Variants in EYA2 observed in about 807,000 individuals in gnomAD.
The protein encoded by EYA2 is EYA transcriptional coactivator and phosphatase 2, also known as protein phosphatase EYA2.
In EYA2, 31 loss-of-function variants were observed where a neutral mutation model predicts 69.2. The ratio of observed to expected loss-of-function variants is 0.45; its 90% confidence interval spans 0.34 to 0.60. The LOEUF is 0.60. Ranked by LOEUF, EYA2 falls within the 20% of genes least tolerant of loss-of-function variation. The pLI is 0.02. For missense variants in EYA2, 622 were observed against 701.2 expected (o/e 0.89, Z 1.28); for synonymous variants, 257 against 279.4 (o/e 0.92, Z 0.80).
intron 1 of EYA2, among the ~76,000 whole-genome samples, chr20:46,967,305 A>G (rs1383608219): frequency 1.3e-5 from 2 of 152,256 alleles, no homozygotes; most frequent in East Asian, 3.8e-4. Context: ...CCTGGCCCAC[A>G]TCTCAATTTA....
chr20:47,135,818 C>CGAAAAAAAAAAAAAAAAAAAAA, intron 9 of EYA2, among the ~76,000 whole-genome samples: 1 of 33,268 alleles, frequency 3.0e-5, no homozygotes, highest in Middle Eastern at 0.016. Context: ...CCTGTCTCTA[C>CGAAAAAAAAAAAAAAAAAAAAA]AAAAAAAAAA....
rs543384483 is a variant in EYA2 at position 47,041,848 on chromosome 20, T to A, written c.415+25551T>A. ...CTCCACTATTATTTGATTTTTTTTT[T>A]AATTTACAGACTTCTTTTGGTTCAA... On this transcript the variant is annotated intron_variant, in intron 5 of 15. Transcript: ENST00000327619. 2.6e-4 allele frequency among the ~76,000 whole-genome samples: 40 copies of A among 152,142 alleles called. 1 individual carries two copies. Among genetic ancestry groups the A allele is most frequent in the Middle Eastern group, 3.4e-3 (1 of 294 alleles).
intron 11 of EYA2, among the ~76,000 whole-genome samples, chr20:47,169,646 A>T (rs2034279412): frequency 6.6e-6 from 1 of 152,156 alleles, no homozygotes; most frequent in African/African-American, 2.4e-5. Flanking sequence ...AAATTCAAAC[A>T]CTTAACCTGA....
At chr20:46,955,058 G>A (rs748108832) in intron 1 of EYA2, among the ~76,000 whole-genome samples, 2 of 152,088 alleles carry the variant, frequency 1.3e-5, no homozygotes, top group South Asian at 2.1e-4. Context: ...GCAGAGGAAG[G>A]CAGGTTTTCA....
intron 5 of EYA2, among the ~76,000 whole-genome samples, chr20:47,047,037 C>T (rs1377987842): frequency 6.6e-6 from 1 of 152,168 alleles, no homozygotes. Flanking sequence ...GCAACTTGCT[C>T]ATTTTCTAAA....
intron 1 of EYA2, among the ~76,000 whole-genome samples, chr20:46,899,294 G>T (rs1600524853): frequency 6.6e-6 from 1 of 152,166 alleles, no homozygotes; most frequent in Non-Finnish European, 1.5e-5. Context: ...ACAGAACACA[G>T]TTATTTTCTG....
At chr20:46,921,465 A>G (rs1299227688) in intron 1 of EYA2, among the ~76,000 whole-genome samples, 2 of 151,878 alleles carry the variant, frequency 1.3e-5, no homozygotes, top group Non-Finnish European at 1.5e-5. Flanking sequence ...TCTCGTTTCT[A>G]CTGCACCTTC....
rs375114832 is a variant in EYA2, at chr20:47,136,389, C to T, written c.889-6670C>T. On this transcript the variant is annotated intron_variant, in intron 9 of 15. Transcript: ENST00000327619. ...TCTCCCTTTCATCCAAGAAATACAACCATACATCCCAAGATAGTGATCCAC... is the reference window on the plus strand; with the variant it reads ...TCTCCCTTTCATCCAAGAAATACAATCATACATCCCAAGATAGTGATCCAC... Among the ~76,000 whole-genome samples, 69 of 152,286 alleles carry T rather than the reference C, an allele frequency of 4.5e-4. 2 individuals are homozygous for T. The South Asian group carries it at 0.013, about 28-fold the overall frequency.
intron 1 of EYA2, among the ~76,000 whole-genome samples, chr20:46,984,579 C>T (rs577088432): frequency 2.2e-4 from 33 of 152,102 alleles, no homozygotes; most frequent in African/African-American, 7.7e-4. Flanking sequence ...AAAGTGGGGC[C>T]GTGCCAAGTG....
chr20:47,064,062 A>G (rs369536006), intron 5 of EYA2, among the ~76,000 whole-genome samples: 1 of 152,118 alleles, frequency 6.6e-6, no homozygotes, highest in Non-Finnish European at 1.5e-5. Context: ...CTCAGATGAT[A>G]TTCCTACCAC....
At chr20:47,127,401 C>G (rs903875826) in intron 9 of EYA2, among the ~76,000 whole-genome samples, 1 of 152,178 alleles carries the variant, frequency 6.6e-6, no homozygotes, top group East Asian at 1.9e-4. Context: ...GTCAGGAGTT[C>G]GAGACCAGCC....
At chr20:47,156,125 CACATATAT>C (rs1482297981) in intron 10 of EYA2, among the ~76,000 whole-genome samples, 6 of 22,122 alleles carry the variant, frequency 2.7e-4, no homozygotes, top group African/African-American at 3.0e-4. Context: ...CACACACACA[CACATATAT>C]ATATATATAT....
intron 5 of EYA2, among the ~76,000 whole-genome samples, chr20:47,034,188 G>T (rs1451031981): frequency 1.3e-5 from 2 of 152,144 alleles, no homozygotes; most frequent in Non-Finnish European, 2.9e-5. Context: ...TGTTCCCTAT[G>T]TATTTTTTGT....
chr20:47,047,396 C>CTCTTTTTTTTTTTT (rs1555816932), intron 5 of EYA2, among the ~76,000 whole-genome samples: 149 of 148,154 alleles, frequency 1.0e-3, no homozygotes, highest in Non-Finnish European at 1.9e-3. Context: ...CTCTCTCTCT[C>CTCTTTTTTTTTTTT]TTTTTTTTGA....
At chr20:46,959,199 A>G (rs957250510) in intron 1 of EYA2, among the ~76,000 whole-genome samples, 1 of 152,216 alleles carries the variant, frequency 6.6e-6, no homozygotes. Flanking sequence ...TGGATGAGTA[A>G]TATGTGCAGA....
intron 9 of EYA2, among the ~76,000 whole-genome samples, chr20:47,127,159 C>G (rs922297480): frequency 4.6e-5 from 7 of 151,952 alleles, no homozygotes; most frequent in African/African-American, 1.7e-4. Flanking sequence ...ACCAGGCCAC[C>G]AGAAATTCTT....
intron 9 of EYA2, among the ~76,000 whole-genome samples, chr20:47,122,732 C>G (rs971321123): frequency 6.6e-6 from 1 of 152,032 alleles, no homozygotes; most frequent in South Asian, 2.1e-4. Context: ...AAATCTGCTC[C>G]CTCCCCACTC....
At chr20:47,056,490 C>T (rs1001841606) in intron 5 of EYA2, among the ~76,000 whole-genome samples, 1 of 152,066 alleles carries the variant, frequency 6.6e-6, no homozygotes, top group Non-Finnish European at 1.5e-5. Context: ...AAATTATCAC[C>T]GTAGCTCCCG....
At chr20:47,143,272 A>G in intron 10 of EYA2, 124 bp downstream of exon 10, 3 of 919,930 alleles carry the variant, frequency 3.3e-6, no homozygotes, top group Non-Finnish European at 4.7e-6. Flanking sequence ...TTCTTTTAGA[A>G]GCTTGAAACT....
Sources: gnomAD v4.1 joint callset for allele counts (sites outside exome capture counted in the v4.1 genomes callset) on GRCh38, gnomAD v4.1.1 for gene constraint, MANE v1.5 for transcripts, NCBI Gene and HGNC (gene_info 2026-07-23, HGNC 2026-07-21) for gene names.